The following TDRD9 variants were observed in gnomAD, a reference collection of about 807,000 sequenced individuals.
The protein encoded by TDRD9 is ATP-dependent RNA helicase TDRD9.
In TDRD9, 124 loss-of-function variants were observed where a neutral mutation model predicts 172.6. The ratio of observed to expected loss-of-function variants is 0.72; its 90% CI spans 0.62 to 0.83. TDRD9 has a LOEUF of 0.83. TDRD9 is among the 40% of genes least tolerant of loss of function. The pLI is 0.00. For synonymous variants in TDRD9, 619 were observed against 617.1 expected (o/e 1.00, Z -0.05); for missense variants, 1,479 against 1,714.1 (o/e 0.86, Z 2.42).
chr14:103,962,163 G>A (rs1052805854), intron 2 of TDRD9, among the ~76,000 whole-genome samples: 4 of 152,210 alleles, frequency 2.6e-5, no homozygotes, highest in Non-Finnish European at 5.9e-5. Flanking sequence ...TCTGTGTCAT[G>A]TATCCTGAGC....
At chr14:103,953,297 G>A (rs1048513831) in intron 1 of TDRD9, among the ~76,000 whole-genome samples, 1 of 152,058 alleles carries the variant, frequency 6.6e-6, no homozygotes, top group Non-Finnish European at 1.5e-5. Flanking sequence ...TCCTGTGGGA[G>A]CCACCCAGGC....
At chr14:104,035,082 G>A (rs1306178535) in intron 32 of TDRD9, 26 bp downstream of exon 32, 11 of 1,536,402 alleles carry the variant, frequency 7.2e-6, no homozygotes, top group Admixed American at 4.0e-5. Context: ...TTGTCTATAG[G>A]CTTTGTAAAA....
At chr14:103,989,361 C>A (rs2033787516) in intron 8 of TDRD9, among the ~76,000 whole-genome samples, 1 of 152,172 alleles carries the variant, frequency 6.6e-6, no homozygotes, top group African/African-American at 2.4e-5. Context: ...CTTTAATAGG[C>A]ATTTTCATCT....
intron 1 of TDRD9, among the ~76,000 whole-genome samples, chr14:103,947,309 GTTTT>G (rs1304405561): frequency 6.6e-6 from 1 of 151,490 alleles, no homozygotes; most frequent in Non-Finnish European, 1.5e-5. Flanking sequence ...TTGTTTGTTT[GTTTT>G]GTTTTTTTTG....
intron 32 of TDRD9, among the ~76,000 whole-genome samples, chr14:104,035,313 A>G (rs1326371116): frequency 6.6e-6 from 1 of 152,222 alleles, no homozygotes; most frequent in Non-Finnish European, 1.5e-5. Context: ...AAAATAAATT[A>G]AAAATGGAGC....
chr14:103,951,945 T>G (rs2031895855), intron 1 of TDRD9, among the ~76,000 whole-genome samples: 1 of 151,080 alleles, frequency 6.6e-6, no homozygotes, highest in Non-Finnish European at 1.5e-5. Context: ...TTTTTTTGTA[T>G]TTTTAGTAGA....
chr14:103,953,008 A>G (rs1309060626), intron 1 of TDRD9, among the ~76,000 whole-genome samples: 1 of 151,870 alleles, frequency 6.6e-6, no homozygotes, highest in Non-Finnish European at 1.5e-5. Context: ...CTAAAGTGCT[A>G]GGATTACAGG....
intron 19 of TDRD9, 133 bp downstream of exon 19, chr14:104,007,337 C>T (rs1309247345): frequency 1.4e-5 from 11 of 780,374 alleles, no homozygotes; most frequent in South Asian, 1.8e-5. Context: ...TGTCAGTGCT[C>T]GCACGGCTGT....
intron 6 of TDRD9, 47 bp downstream of exon 6, chr14:103,970,668 ATTGT>A (rs1280672642): frequency 7.0e-6 from 10 of 1,431,854 alleles, no homozygotes; most frequent in Non-Finnish European, 9.6e-6. Context: ...ATTAAGATTC[ATTGT>A]TTAGTTTTGT....
At chr14:103,935,517 G>A (rs960973286) in intron 1 of TDRD9, among the ~76,000 whole-genome samples, 2 of 152,184 alleles carry the variant, frequency 1.3e-5, no homozygotes, top group Admixed American at 1.3e-4. Flanking sequence ...TTTTGAACAT[G>A]TTCACTTTAA....
intron 12 of TDRD9, 41 bp downstream of exon 12, chr14:103,995,848 T>C (rs2152204534): frequency 6.5e-7 from 1 of 1,546,918 alleles, no homozygotes. Flanking sequence ...TTAGCTGTAG[T>C]GCCATATTTA....
At chr14:103,982,957 A>T (rs1163998273) in intron 7 of TDRD9, among the ~76,000 whole-genome samples, 1 of 152,164 alleles carries the variant, frequency 6.6e-6, no homozygotes, top group Admixed American at 6.5e-5. Context: ...GGGTTACATA[A>T]AATGTAAATG....
intron 30 of TDRD9, among the ~76,000 whole-genome samples, chr14:104,033,603 C>G (rs2035352157): frequency 6.6e-6 from 1 of 152,128 alleles, no homozygotes; most frequent in Non-Finnish European, 1.5e-5. Flanking sequence ...TCAGTTCCCT[C>G]TGCCAGGATG....
intron 24 of TDRD9, among the ~76,000 whole-genome samples, 156 bp downstream of exon 24, chr14:104,022,486 C>T (rs536569984): frequency 9.9e-5 from 15 of 152,226 alleles, no homozygotes; most frequent in African/African-American, 1.4e-4. Context: ...CAGCACTTTG[C>T]GAGGCCGAGG....
intron 1 of TDRD9, among the ~76,000 whole-genome samples, chr14:103,955,305 A>G (rs1286989201): frequency 6.6e-6 from 1 of 152,116 alleles, no homozygotes; most frequent in Admixed American, 6.6e-5. Context: ...GGTTGAGGTT[A>G]CAGTGAGCTA....
chr14:104,022,951 G>A (rs1334372383), intron 24 of TDRD9, among the ~76,000 whole-genome samples: 9 of 151,450 alleles, frequency 5.9e-5, no homozygotes, highest in South Asian at 2.1e-4. Context: ...AGACCGAGGC[G>A]GGAGGATCAC....
At chr14:104,021,538 CA>C (rs1217836019) in intron 23 of TDRD9, among the ~76,000 whole-genome samples, 1 of 152,034 alleles carries the variant, frequency 6.6e-6, no homozygotes, top group Non-Finnish European at 1.5e-5. Context: ...ACTAAAAATA[CA>C]AAAATTAGCT....
rs377361389 is a variant in TDRD9 at position 104,026,773 on chromosome 14, C to G, written c.3116C>G (p.Ser1039Cys). Residue 1039 changes from serine (S) to cysteine (C), a missense_variant, in exon 28 of 36, where the codon TCT becomes TGT. Ser to Cys is a moderately radical substitution (Grantham distance 112). Coordinates refer to ENST00000409874, the MANE Select transcript of TDRD9 (RefSeq NM_153046.3). ...GACGGGGCCAGCCAGTGGTTCGCCTCTCTGGTGAGCGGCTGCACCCTCCTT... is the reference window on the plus strand; with the variant it reads ...GACGGGGCCAGCCAGTGGTTCGCCTGTCTGGTGAGCGGCTGCACCCTCCTT... ...WSDGASQWFA[S>C]LVSGCTLLVK... The G allele has an allele frequency of 6.8e-6, 11 of 1,613,860 alleles. No individual in the cohort carries two copies. The highest frequency in any genetic ancestry group is 9.3e-6 in the Non-Finnish European group (11 of 1,179,890).
intron 8 of TDRD9, among the ~76,000 whole-genome samples, chr14:103,990,303 G>A (rs773609192): frequency 6.6e-6 from 1 of 152,250 alleles, no homozygotes; most frequent in African/African-American, 2.4e-5. Flanking sequence ...AGCAGCAGGA[G>A]CAGTGACCAT....
Sources: allele counts gnomAD v4.1 joint callset (sites outside exome capture counted in the v4.1 genomes callset), GRCh38; gene constraint gnomAD v4.1.1; transcripts MANE v1.5; gene names NCBI Gene and HGNC (gene_info 2026-07-23, HGNC 2026-07-21).